The following PLCB4 variants were observed in gnomAD, a reference collection of about 807,000 sequenced individuals.
PLCB4 encodes 1-phosphatidylinositol 4,5-bisphosphate phosphodiesterase beta-4.
Under a neutral mutation model 178.8 loss-of-function variants are expected in PLCB4, and 77 were observed. That is an observed-to-expected ratio of 0.43 (90% CI 0.36 to 0.52). PLCB4 has a LOEUF of 0.52. PLCB4 is among the 20% of genes least tolerant of loss of function. The probability of loss-of-function intolerance (pLI) is 0.00; values close to 1 mark genes in which losing one functional copy is unlikely to be tolerated. For synonymous variants in PLCB4, 496 were observed against 490.8 expected, an observed-to-expected ratio of 1.01 and a Z score of -0.14; for missense variants, 1,024 against 1,453.4, an observed-to-expected ratio of 0.70 and a Z score of 4.80.
In PLCB4 at chr20:9,261,210, C is replaced by CT. The variant is rs74350464; in HGVS notation, c.-16+43769dup. Among the ~76,000 whole-genome samples, 947 of 146,030 alleles carry CT rather than the reference C, an allele frequency of 6.5e-3. 5 individuals carry two copies. Among genetic ancestry groups the CT allele is most frequent in the Middle Eastern group, 0.025 (7 of 276 alleles). On this transcript the variant is annotated intron_variant, in intron 3 of 39. Coordinates refer to ENST00000378473, the MANE Select transcript of PLCB4 (RefSeq NM_001377142.1). ...AAGCAAAGGGGATGCATGAATCTCT[C>CT]TTTTTTTTTTTAATTTGCTGAGTGT... is the stretch of plus-strand genomic sequence containing the variant.
intron 2 of PLCB4, among the ~76,000 whole-genome samples, chr20:9,197,843 T>G (rs2093491487): frequency 6.6e-6 from 1 of 152,116 alleles, no homozygotes; most frequent in African/African-American, 2.4e-5. Context: ...GGCATGGTGG[T>G]GGGCATCTGT....
At chr20:9,169,584 CTAAT>C (rs969541620) in intron 2 of PLCB4, among the ~76,000 whole-genome samples, 7 of 132,164 alleles carry the variant, frequency 5.3e-5, no homozygotes, top group African/African-American at 1.6e-4. Flanking sequence ...GCAAGACTGT[CTAAT>C]AAATAAATAA....
At chr20:9,335,673 C>G (rs529280756) in intron 4 of PLCB4, among the ~76,000 whole-genome samples, 2 of 152,200 alleles carry the variant, frequency 1.3e-5, no homozygotes, top group Non-Finnish European at 2.9e-5. Context: ...GTAGGTGGAA[C>G]TACTTCCACT....
chr20:9,357,991 T>G (rs781391949), intron 7 of PLCB4, among the ~76,000 whole-genome samples: 2 of 152,184 alleles, frequency 1.3e-5, no homozygotes, highest in Non-Finnish European at 2.9e-5. Flanking sequence ...CAGATTCTGA[T>G]TCCATGGTTC....
At chr20:9,295,992 C>A (rs1235232795) in intron 3 of PLCB4, among the ~76,000 whole-genome samples, 1 of 152,056 alleles carries the variant, frequency 6.6e-6, no homozygotes, top group Non-Finnish European at 1.5e-5. Context: ...GCAACAAAAG[C>A]CAAAATTGAC....
chr20:9,461,561 G>A (rs966653938), intron 35 of PLCB4, among the ~76,000 whole-genome samples: 1 of 152,188 alleles, frequency 6.6e-6, no homozygotes, highest in African/African-American at 2.4e-5. Context: ...CCCAAATACT[G>A]TGCTTTTCCC....
chr20:9,097,477 A>C (rs1305449362), intron 2 of PLCB4, among the ~76,000 whole-genome samples: 1 of 152,100 alleles, frequency 6.6e-6, no homozygotes, highest in East Asian at 1.9e-4. Flanking sequence ...ACAGTGGTCA[A>C]ATCTGACCTT....
intron 18 of PLCB4, among the ~76,000 whole-genome samples, chr20:9,395,210 T>G (rs2038473388): frequency 6.6e-6 from 1 of 152,234 alleles, no homozygotes; most frequent in Non-Finnish European, 1.5e-5. Flanking sequence ...TTTTGTTATC[T>G]AGCCTTAAAT....
Position 9,411,118 on chromosome 20 carries a change from C to T in PLCB4, c.2051+30C>T, listed in dbSNP as rs775658770. 2.0e-6 allele frequency: 3 copies of T among 1,491,814 alleles called. No individual in the cohort carries two copies. The East Asian group carries it at 6.8e-5, about 34-fold the overall frequency. The allele number at this position is 1,491,814 out of a possible 1,614,324, so 92.4% of individuals were successfully genotyped here. On this transcript the variant is annotated intron_variant, in intron 25 of 39. Coordinates refer to ENST00000378473, the MANE Select transcript of PLCB4 (RefSeq NM_001377142.1). ...GTAATATGATTTAAACTGTTTTCACCTAGATTGAGAACTCCATACTACAGC... is the reference window on the plus strand; with the variant it reads ...GTAATATGATTTAAACTGTTTTCACTTAGATTGAGAACTCCATACTACAGC...
At chr20:9,409,274 T>C in intron 24 of PLCB4, 93 bp downstream of exon 24, 1 of 1,005,194 alleles carries the variant, frequency 9.9e-7, no homozygotes, top group Non-Finnish European at 1.4e-6. Context: ...GGGCATTTTT[T>C]AAAGGAAGCA....
chr20:9,301,364 C>T (rs1601705517), intron 3 of PLCB4, among the ~76,000 whole-genome samples: 1 of 152,062 alleles, frequency 6.6e-6, no homozygotes, highest in African/African-American at 2.4e-5. Context: ...ACGTGAGGCA[C>T]ATGTCCAGAG....
chr20:9,077,343 C>T (rs938599637), intron 1 of PLCB4, among the ~76,000 whole-genome samples: 3 of 152,174 alleles, frequency 2.0e-5, no homozygotes, highest in African/African-American at 7.2e-5. Flanking sequence ...AGCCTATGCA[C>T]ACTTCAAATT....
chr20:9,158,187 T>G (rs1359349723), intron 2 of PLCB4, among the ~76,000 whole-genome samples: 3 of 152,120 alleles, frequency 2.0e-5, no homozygotes, highest in Non-Finnish European at 4.4e-5. Flanking sequence ...TCAAACAGTG[T>G]TTCCCAATAT....
At chr20:9,215,712 C>T (rs982301331) in intron 2 of PLCB4, among the ~76,000 whole-genome samples, 1 of 152,094 alleles carries the variant, frequency 6.6e-6, no homozygotes, top group Non-Finnish European at 1.5e-5. Context: ...AAAGACCTTA[C>T]CCTTTAAAAA....
Position 9,444,161 on chromosome 20 carries a change from CTA to C in PLCB4, c.2815-15_2815-14del, listed in dbSNP as rs1491369232. On this transcript the variant is annotated splice_polypyrimidine_tract_variant and intron_variant, in intron 31 of 39. Transcript: ENST00000378473. ...AAAAACAAAAAACCTATTTTTGATT[CTA>C]TTTTTCTCCCAAAGGCTTACTTGAA... The C allele has an allele frequency of 8.3e-6, 13 of 1,568,402 alleles. No individual in the cohort carries two copies. The highest frequency in any genetic ancestry group is 1.1e-5 in the Non-Finnish European group (13 of 1,149,022).
rs1213662999 is a variant in PLCB4, at chr20:9,307,789, T to C, written c.-15-11T>C. ...TTTATATACTAACGAGCTATTCTTT[T>C]TCATTTTTAGGTCTTGAATATAATC... is the stretch of plus-strand genomic sequence containing the variant. On this transcript the variant is annotated splice_polypyrimidine_tract_variant and intron_variant, in intron 3 of 39. Transcript: ENST00000378473. The C allele has an allele frequency of 2.2e-6, 3 of 1,360,718 alleles. No individual in the cohort carries two copies. Among genetic ancestry groups the C allele is most frequent in the Non-Finnish European group, 3.1e-6 (3 of 966,222 alleles). 84.3% of individuals were successfully genotyped at this position (1,360,718 alleles called of 1,614,324 possible). A position where few individuals can be genotyped will look rare whatever the true frequency, so the allele number is the denominator to read the frequency against.
At chr20:9,255,285 T>C (rs937512439) in intron 3 of PLCB4, among the ~76,000 whole-genome samples, 4 of 152,190 alleles carry the variant, frequency 2.6e-5, no homozygotes, top group African/African-American at 9.7e-5. Flanking sequence ...AGATTCAAAG[T>C]CATTCTTCTT....
chr20:9,135,475 T>G (rs1012357706), intron 2 of PLCB4, among the ~76,000 whole-genome samples: 6 of 152,094 alleles, frequency 3.9e-5, no homozygotes, highest in African/African-American at 1.4e-4. Context: ...TGGAGACATA[T>G]GAAGTTACAG....
chr20:9,300,844 A>G (rs2094693859), intron 3 of PLCB4, among the ~76,000 whole-genome samples: 1 of 152,078 alleles, frequency 6.6e-6, no homozygotes, highest in South Asian at 2.1e-4. Flanking sequence ...GGCCCAATAT[A>G]TGCATTTTCT....
Sources: allele counts gnomAD v4.1 joint callset (sites outside exome capture counted in the v4.1 genomes callset), GRCh38; gene constraint gnomAD v4.1.1; transcripts MANE v1.5; gene names NCBI Gene and HGNC (gene_info 2026-07-23, HGNC 2026-07-21).